KDM4C: variants seen among roughly 807,000 people sequenced by gnomAD.
The protein encoded by KDM4C is lysine demethylase 4C, also known as lysine-specific demethylase 4C.
Under a neutral mutation model 129.3 loss-of-function variants are expected in KDM4C, and 81 were observed. The observed-to-expected ratio is 0.63, with a 90% CI of 0.52 to 0.75. KDM4C has a LOEUF of 0.75. Among genes scored for constraint, KDM4C ranks in the 30% least tolerant of loss-of-function variants. KDM4C has a pLI of 0.00. For synonymous variants in KDM4C, 573 were observed against 456.1 expected, an observed-to-expected ratio of 1.26 and a Z score of -3.26; for missense variants, 1,457 against 1,304.0, an observed-to-expected ratio of 1.12 and a Z score of -1.81.
At chr9:6,886,840 A>G (rs1254847102) in intron 6 of KDM4C, among the ~76,000 whole-genome samples, 2 of 151,106 alleles carry the variant, frequency 1.3e-5, no homozygotes, top group African/African-American at 4.9e-5. Context: ...CTTGTCCCAA[A>G]CTCCTGGCCT....
chr9:6,808,557 G>C (rs891310499), intron 3 of KDM4C, among the ~76,000 whole-genome samples: 2 of 148,388 alleles, frequency 1.3e-5, no homozygotes, highest in African/African-American at 5.1e-5. Context: ...CAAACACTGC[G>C]GAAGGCCTCA....
At chr9:6,857,922 GTT>G (rs71487861) in intron 5 of KDM4C, among the ~76,000 whole-genome samples, 1,837 of 103,074 alleles carry the variant, frequency 0.018, 47 homozygotes, top group African/African-American at 0.073. Flanking sequence ...ATCTGGCTAA[GTT>G]TTTTTTTTTT....
chr9:6,768,863 C>A (rs1408957162), intron 1 of KDM4C, among the ~76,000 whole-genome samples: 2 of 152,080 alleles, frequency 1.3e-5, no homozygotes, highest in Non-Finnish European at 2.9e-5. Flanking sequence ...ACCTCCACCT[C>A]CCGGGTTCAA....
intron 15 of KDM4C, among the ~76,000 whole-genome samples, chr9:7,027,054 G>A (rs558516682): frequency 1.7e-4 from 26 of 152,114 alleles, no homozygotes; most frequent in Middle Eastern, 3.4e-3. Context: ...TCTTTGAGAG[G>A]TCACATATCT....
At chr9:6,801,875 C>T (rs1288371198) in intron 2 of KDM4C, among the ~76,000 whole-genome samples, 10 of 151,920 alleles carry the variant, frequency 6.6e-5, no homozygotes, top group East Asian at 2.0e-4. Flanking sequence ...GAGGCTGAGG[C>T]GGGTGGATCA....
chr9:7,013,400 C>G (rs923573047), intron 13 of KDM4C, among the ~76,000 whole-genome samples: 1 of 152,084 alleles, frequency 6.6e-6, no homozygotes, highest in Non-Finnish European at 1.5e-5. Context: ...CAGATTAAAA[C>G]TGGGGTCTTT....
chr9:6,728,932 G>A (rs1344800150), intron 1 of KDM4C, among the ~76,000 whole-genome samples: 2 of 151,690 alleles, frequency 1.3e-5, no homozygotes, highest in African/African-American at 4.8e-5. Flanking sequence ...AAGGCTGGGC[G>A]CGGTGGTTCA....
At chr9:6,858,850 C>A (rs1201807456) in intron 5 of KDM4C, among the ~76,000 whole-genome samples, 1 of 142,892 alleles carries the variant, frequency 7.0e-6, no homozygotes, top group Non-Finnish European at 1.5e-5. Flanking sequence ...TTTGGTATCT[C>A]TTTTTTTTTT....
chr9:6,973,903 A>G (rs1318811411), intron 8 of KDM4C: 1 of 152,256 alleles, frequency 6.6e-6, no homozygotes, highest in Non-Finnish European at 1.5e-5. Context: ...TGTCTTCAAC[A>G]TCGCTCAGAT....
At chr9:7,160,144 C>T (rs367646936) in intron 19 of KDM4C, among the ~76,000 whole-genome samples, 8 of 152,114 alleles carry the variant, frequency 5.3e-5, no homozygotes, top group East Asian at 3.8e-4. Flanking sequence ...CTTGTGCGTG[C>T]GTCACAAAGT....
intron 8 of KDM4C, chr9:6,902,750 A>T (rs1185102234): frequency 1.3e-5 from 2 of 152,230 alleles, no homozygotes; most frequent in Admixed American, 6.5e-5. Flanking sequence ...CAGTGTTTGC[A>T]GGGTAAGTGT....
intron 3 of KDM4C, among the ~76,000 whole-genome samples, chr9:6,806,352 T>C (rs1829959664): frequency 6.6e-6 from 1 of 151,758 alleles, no homozygotes; most frequent in Non-Finnish European, 1.5e-5. Flanking sequence ...AAATTAACCA[T>C]GCGTGGTGGC....
intron 17 of KDM4C, among the ~76,000 whole-genome samples, chr9:7,084,710 A>C (rs115915942): frequency 6.6e-6 from 1 of 152,192 alleles, no homozygotes; most frequent in Admixed American, 6.5e-5. Flanking sequence ...TGCTTACCTC[A>C]ATGAATGGAA....
At chr9:6,817,082 G>A (rs752162433) in intron 4 of KDM4C, among the ~76,000 whole-genome samples, 19 of 151,878 alleles carry the variant, frequency 1.3e-4, no homozygotes, top group Admixed American at 1.3e-4. Flanking sequence ...AATTAAAGAT[G>A]CATATTGAAG....
intron 17 of KDM4C, chr9:7,076,672 A>G: frequency 7.6e-7 from 1 of 1,308,950 alleles, no homozygotes; most frequent in African/African-American, 1.5e-5. Context: ...TTTCCTCTGG[A>G]TCCTCACACC....
intron 17 of KDM4C, among the ~76,000 whole-genome samples, chr9:7,050,827 G>A (rs2132568884): frequency 6.6e-6 from 1 of 152,260 alleles, no homozygotes; most frequent in East Asian, 1.9e-4. Context: ...GCAGGGAAGG[G>A]CAGCAGGATT....
chr9:7,041,036 T>C (rs1388103050), intron 15 of KDM4C, among the ~76,000 whole-genome samples: 6 of 151,900 alleles, frequency 3.9e-5, no homozygotes, highest in African/African-American at 7.2e-5. Flanking sequence ...TTTTTTTTTT[T>C]CCCTAGATCT....
intron 1 of KDM4C, among the ~76,000 whole-genome samples, chr9:6,788,029 A>G (rs1183756174): frequency 2.6e-5 from 4 of 152,166 alleles, no homozygotes; most frequent in African/African-American, 4.8e-5. Flanking sequence ...GAAGAGTCCG[A>G]TAGTCTCTTT....
At chr9:6,941,857 T>A (rs1826004526) in intron 8 of KDM4C, 1 of 140,876 alleles carries the variant, frequency 7.1e-6, no homozygotes, top group Non-Finnish European at 1.6e-5. Flanking sequence ...TCTGTGTCTC[T>A]CTCTCTCTTG....
Sources: allele counts gnomAD v4.1 joint callset (sites outside exome capture counted in the v4.1 genomes callset), GRCh38; gene constraint gnomAD v4.1.1; transcripts MANE v1.5; gene names NCBI Gene and HGNC (gene_info 2026-07-23, HGNC 2026-07-21).